The following FBN2 variants were observed in gnomAD, a reference collection of about 807,000 sequenced individuals.
FBN2 encodes fibrillin-2.
FBN2 carries 105 observed loss-of-function variants against 355.6 expected under a neutral mutation model. The observed-to-expected ratio is 0.30, with a 90% confidence interval of 0.25 to 0.35. The LOEUF (loss-of-function observed/expected upper bound fraction) is 0.35. Ranked by LOEUF, FBN2 falls within the 10% of genes least tolerant of loss-of-function variation. The pLI, the probability that FBN2 is intolerant of heterozygous loss-of-function variation, is 1.00. For synonymous variants in FBN2, 1,350 were observed against 1,301.2 expected (o/e 1.04, Z -0.81); for missense variants, 3,280 against 3,758.7 (o/e 0.87, Z 3.33).
At chr5:128,314,628 T>G (rs1243097104) in intron 36 of FBN2, among the ~76,000 whole-genome samples, 1 of 152,164 alleles carries the variant, frequency 6.6e-6, no homozygotes, top group Non-Finnish European at 1.5e-5. Context: ...ATTAGGTTTA[T>G]TTATTCCTCA....
intron 50 of FBN2, 115 bp downstream of exon 50, chr5:128,290,617 T>C (rs1749294977): frequency 8.4e-6 from 9 of 1,074,162 alleles, no homozygotes; most frequent in African/African-American, 1.5e-5. Context: ...AAAACTTATA[T>C]GCAAGGAGAT....
At chr5:128,287,194 T>C in intron 54 of FBN2, 114 bp downstream of exon 54, 1 of 1,226,772 alleles carries the variant, frequency 8.2e-7, no homozygotes, top group Non-Finnish European at 1.2e-6. Flanking sequence ...AATGCTGTCA[T>C]ATATATATTT....
chr5:128,318,536 A>T (rs1384047317), intron 35 of FBN2, among the ~76,000 whole-genome samples: 1 of 152,062 alleles, frequency 6.6e-6, no homozygotes, highest in Non-Finnish European at 1.5e-5. Context: ...AGGACGAAAA[A>T]ATTATGTCAC....
At chr5:128,279,342 A>G (rs1054643571) in intron 56 of FBN2, among the ~76,000 whole-genome samples, 8 of 152,128 alleles carry the variant, frequency 5.3e-5, no homozygotes, top group Non-Finnish European at 1.2e-4. Flanking sequence ...TCAGATTTAA[A>G]AGCCAATTAA....
chr5:128,480,063 A>AAT (rs1372029069), intron 5 of FBN2, among the ~76,000 whole-genome samples: 1 of 136,962 alleles, frequency 7.3e-6, no homozygotes, highest in Non-Finnish European at 1.6e-5. Flanking sequence ...ATGTATATAT[A>AAT]ATATATATAT....
chr5:128,421,276 A>G (rs925290091), intron 7 of FBN2, among the ~76,000 whole-genome samples: 4 of 152,194 alleles, frequency 2.6e-5, no homozygotes, highest in Non-Finnish European at 5.9e-5. Flanking sequence ...ATTTCTACCT[A>G]TGTCGATAAA....
Position 128,377,808 on chromosome 5 carries a change from A to T in FBN2, c.1793T>A (p.Phe598Tyr), listed in dbSNP as rs1285831617. 1 of 1,613,636 alleles carries T rather than the reference A, an allele frequency of 6.2e-7. No individual in the cohort carries two copies. Among genetic ancestry groups the T allele is most frequent in the South Asian group, 1.1e-5 (1 of 91,080 alleles). Residue 598 changes from phenylalanine (F) to tyrosine (Y), a missense_variant, in exon 13 of 65, where the codon TTC (phenylalanine) becomes TAC (tyrosine). By Grantham distance (22) the Phe-to-Tyr change is conservative. Coordinates refer to ENST00000262464, the MANE Select transcript of FBN2 (RefSeq NM_001999.4). Reference sequence around the variant, plus strand: ...AAAGCCGGCATTGCAAATGCACTGGAAACTTCCATCTGTGTTCACGCATCG... The same window carrying T: ...AAAGCCGGCATTGCAAATGCACTGGTAACTTCCATCTGTGTTCACGCATCG... Reference protein sequence around the residue: ...NGRCVNTDGSFQCICNAGFEL... With the variant: ...NGRCVNTDGSYQCICNAGFEL...
intron 5 of FBN2, among the ~76,000 whole-genome samples, chr5:128,476,786 C>T (rs1451735601): frequency 2.6e-5 from 4 of 152,124 alleles, no homozygotes; most frequent in Admixed American, 2.0e-4. Flanking sequence ...CCTTCAGCTT[C>T]GCAGGGGATC....
At chr5:128,446,776 T>C (rs1754076877) in intron 6 of FBN2, among the ~76,000 whole-genome samples, 170 bp from the exon 7 acceptor site, 1 of 152,246 alleles carries the variant, frequency 6.6e-6, no homozygotes, top group Non-Finnish European at 1.5e-5. Flanking sequence ...TTAATTTATG[T>C]AAATGGTATC....
intron 7 of FBN2, among the ~76,000 whole-genome samples, chr5:128,445,754 T>A (rs1581303168): frequency 6.6e-6 from 1 of 152,266 alleles, no homozygotes; most frequent in East Asian, 1.9e-4. Context: ...AAAACTATTC[T>A]AAATATCCAT....
chr5:128,284,491 G>A (rs1749080385), intron 55 of FBN2, among the ~76,000 whole-genome samples: 1 of 152,134 alleles, frequency 6.6e-6, no homozygotes. Flanking sequence ...AGCTACACTG[G>A]TCTTGTGTAA....
At chr5:128,324,372 G>T (rs1750481976) in intron 34 of FBN2, among the ~76,000 whole-genome samples, 1 of 152,104 alleles carries the variant, frequency 6.6e-6, no homozygotes. Context: ...TTTTAATTGT[G>T]ATGTTAGCGT....
intron 6 of FBN2, among the ~76,000 whole-genome samples, chr5:128,459,151 A>G (rs923376943): frequency 6.6e-6 from 1 of 152,158 alleles, no homozygotes; most frequent in Non-Finnish European, 1.5e-5. Context: ...AATACAAACT[A>G]CCATCAGAGA....
chr5:128,304,897 T>A (rs1047693510), intron 45 of FBN2, 60 bp downstream of exon 45: 1 of 1,608,848 alleles, frequency 6.2e-7, no homozygotes, highest in African/African-American at 1.3e-5. Flanking sequence ...TTGATGGAAC[T>A]GTGATCTGTT....
chr5:128,349,829 C>T (rs1751300155), intron 22 of FBN2, 126 bp downstream of exon 22: 8 of 773,276 alleles, frequency 1.0e-5, no homozygotes, highest in South Asian at 3.1e-5. Context: ...TTGATTACAT[C>T]GAGTATTTTT....
At chr5:128,343,697 G>A (rs1227159487) in intron 25 of FBN2, among the ~76,000 whole-genome samples, 2 of 152,194 alleles carry the variant, frequency 1.3e-5, no homozygotes, top group African/African-American at 2.4e-5. Context: ...GTTCACAGAT[G>A]AGGAAAAGAA....
chr5:128,261,933 T>C, intron 63 of FBN2, 26 bp from the exon 64 acceptor site: 1 of 1,601,654 alleles, frequency 6.2e-7, no homozygotes, highest in Non-Finnish European at 8.6e-7. Context: ...AAAGTATTGT[T>C]AGACTTTATC....
At chr5:128,444,878 CA>C (rs1754025375) in intron 7 of FBN2, among the ~76,000 whole-genome samples, 1 of 152,188 alleles carries the variant, frequency 6.6e-6, no homozygotes, top group African/African-American at 2.4e-5. Flanking sequence ...CATCTATAAT[CA>C]AACTTTGTTC....
Position 128,259,401 on chromosome 5 carries a change from C to T in FBN2, c.*54G>A. 6.2e-7 allele frequency: 1 copy of T among 1,604,714 alleles called. No individual in the cohort carries two copies. ...AAATTAGTCCTTGACTTTTCAAATG[C>T]TTCTGCAGACTGGCTGTGCTAGGAT... is the stretch of plus-strand genomic sequence containing the variant. On this transcript the variant is annotated 3_prime_UTR_variant, in exon 65 of 65. Coordinates refer to ENST00000262464, the MANE Select transcript of FBN2 (RefSeq NM_001999.4).
Sources: gnomAD v4.1 joint callset for allele counts (sites outside exome capture counted in the v4.1 genomes callset) on GRCh38, gnomAD v4.1.1 for gene constraint, MANE v1.5 for transcripts, NCBI Gene and HGNC (gene_info 2026-07-23, HGNC 2026-07-21) for gene names.